Variants in SLMAP observed in about 807,000 individuals in gnomAD.
The protein encoded by SLMAP is sarcolemmal membrane-associated protein.
In SLMAP, 44 loss-of-function variants were observed where a neutral mutation model predicts 128.8. The observed-to-expected ratio is 0.34, with a 90% CI of 0.27 to 0.44. The LOEUF is 0.44. Ranked by LOEUF, SLMAP falls within the 20% of genes least tolerant of loss-of-function variation. The pLI, the probability that SLMAP is intolerant of heterozygous loss-of-function variation, is 1.00. For synonymous variants in SLMAP, 327 were observed against 348.8 expected (o/e 0.94, Z 0.70); for missense variants, 787 against 985.3 (o/e 0.80, Z 2.69).
chr3:57,783,680 G>T (rs113211184), intron 2 of SLMAP, among the ~76,000 whole-genome samples: 3,388 of 152,276 alleles, frequency 0.022, 53 homozygotes, highest in Non-Finnish European at 0.033. Context: ...CCAAGTAACT[G>T]TTTGCTAAGG....
intron 2 of SLMAP, among the ~76,000 whole-genome samples, chr3:57,781,078 TAAA>T: frequency 6.6e-6 from 1 of 151,264 alleles, no homozygotes; most frequent in East Asian, 1.9e-4. Context: ...AAAAATAGAA[TAAA>T]AAAATAAAAA....
intron 6 of SLMAP, among the ~76,000 whole-genome samples, chr3:57,850,459 C>T (rs1315754836): frequency 6.6e-6 from 1 of 152,032 alleles, no homozygotes; most frequent in Non-Finnish European, 1.5e-5. Flanking sequence ...CGCTCTGTCT[C>T]TCAGGCTGAA....
chr3:57,767,360 C>T (rs542764938), intron 2 of SLMAP, among the ~76,000 whole-genome samples: 9 of 152,224 alleles, frequency 5.9e-5, no homozygotes, highest in South Asian at 2.1e-4. Context: ...AACAATGGAG[C>T]GGTTTGTATT....
At chr3:57,836,422 A>G (rs1016563009) in intron 3 of SLMAP, among the ~76,000 whole-genome samples, 1 of 152,236 alleles carries the variant, frequency 6.6e-6, no homozygotes, top group Non-Finnish European at 1.5e-5. Context: ...TTAAAAAGGT[A>G]ACATGAGCCT....
chr3:57,846,437 A>G (rs1193569903), intron 4 of SLMAP, among the ~76,000 whole-genome samples: 3 of 152,176 alleles, frequency 2.0e-5, no homozygotes, highest in African/African-American at 7.2e-5. Context: ...TCTTCACTGG[A>G]ACAAGTTTCC....
chr3:57,793,288 A>G (rs1269623267), intron 2 of SLMAP, among the ~76,000 whole-genome samples: 2 of 152,206 alleles, frequency 1.3e-5, no homozygotes, highest in South Asian at 4.1e-4. Context: ...CTCTAGTTTT[A>G]GATCTCAGAT....
intron 2 of SLMAP, among the ~76,000 whole-genome samples, chr3:57,791,396 A>G (rs1559999633): frequency 6.6e-6 from 1 of 152,088 alleles, no homozygotes; most frequent in Non-Finnish European, 1.5e-5. Context: ...TAGTATATGT[A>G]GTAGCTCTGA....
chr3:57,859,061 T>C, intron 8 of SLMAP, among the ~76,000 whole-genome samples: 1 of 152,188 alleles, frequency 6.6e-6, no homozygotes, highest in Admixed American at 6.5e-5. Context: ...CAGTGGCTCA[T>C]GCCTGTAATC....
chr3:57,821,007 A>G (rs1452153696), intron 2 of SLMAP, among the ~76,000 whole-genome samples: 2 of 152,212 alleles, frequency 1.3e-5, no homozygotes, highest in Non-Finnish European at 2.9e-5. Flanking sequence ...GGTGTCTGAG[A>G]TTCAGAAATC....
At chr3:57,784,686 G>A (rs574238123) in intron 2 of SLMAP, among the ~76,000 whole-genome samples, 1 of 152,298 alleles carries the variant, frequency 6.6e-6, no homozygotes, top group African/African-American at 2.4e-5. Flanking sequence ...ATTTTGCATT[G>A]TGAGAAGGAC....
At chr3:57,921,328 A>C (rs1298651382) in intron 22 of SLMAP, among the ~76,000 whole-genome samples, 2 of 152,062 alleles carry the variant, frequency 1.3e-5, no homozygotes. Flanking sequence ...GCTATTTAAA[A>C]ATTTCTACTA....
chr3:57,836,360 A>C (rs1203819812), intron 3 of SLMAP, among the ~76,000 whole-genome samples: 1 of 152,194 alleles, frequency 6.6e-6, no homozygotes, highest in African/African-American at 2.4e-5. Context: ...AAAATTTCAG[A>C]AAAAGAATAT....
chr3:57,820,863 A>C (rs2092441481), intron 2 of SLMAP, among the ~76,000 whole-genome samples: 1 of 152,072 alleles, frequency 6.6e-6, no homozygotes, highest in African/African-American at 2.4e-5. Flanking sequence ...TCCTGCCCCT[A>C]CTGCCTGGTG....
intron 2 of SLMAP, among the ~76,000 whole-genome samples, chr3:57,819,990 G>A (rs2092353673): frequency 6.6e-6 from 1 of 152,062 alleles, no homozygotes; most frequent in African/African-American, 2.4e-5. Flanking sequence ...GGGCTCAAGC[G>A]ATCCTTCCCC....
intron 2 of SLMAP, among the ~76,000 whole-genome samples, chr3:57,775,103 G>A (rs1377865688): frequency 1.3e-5 from 2 of 151,222 alleles, no homozygotes; most frequent in African/African-American, 2.4e-5. Context: ...CGCCCAGGCC[G>A]GAGTACAGTG....
rs1481407028 is a variant in SLMAP at position 57,925,846 on chromosome 3, C to T, written c.2447C>T (p.Pro816Leu). ...TTTAATATGCCTTCCCTTCTTTAGC[C>T]TTCCATATTACAACCCGTCCCAGCC... ...LKLLREKGNN[P>L]SILQPVPAVF... Residue 816 changes from proline (P) to leucine (L), a missense_variant and splice_region_variant, in exon 24 of 25, where the codon CCT (proline) becomes CTT (leucine). By Grantham distance (98) the Pro-to-Leu change is moderately conservative. Coordinates refer to ENST00000671191, the MANE Select transcript of SLMAP (RefSeq NM_001377540.1). The T allele has an allele frequency of 3.2e-6, 5 of 1,549,636 alleles. No homozygotes were observed. Among genetic ancestry groups the T allele is most frequent in the Non-Finnish European group, 4.4e-6 (5 of 1,145,898 alleles).
intron 19 of SLMAP, among the ~76,000 whole-genome samples, chr3:57,910,748 G>T (rs1300304978): frequency 6.6e-6 from 1 of 152,084 alleles, no homozygotes; most frequent in Non-Finnish European, 1.5e-5. Flanking sequence ...AAATTAATTT[G>T]CCTTCTTGTC....
chr3:57,929,750 T>C lies in SLMAP; in HGVS notation c.*2461T>C, dbSNP rs1287537065. ...TCTGTATTGGCATCTTGGTTCTACC[T>C]TTTATCAGATGTTGTTGCCTTGTGC... On this transcript the variant is annotated 3_prime_UTR_variant, in exon 25 of 25. Transcript: ENST00000671191. 6.6e-6 allele frequency among the ~76,000 whole-genome samples: 1 copy of C among 152,252 alleles called. No individual in the cohort carries two copies. The highest frequency in any genetic ancestry group is 2.4e-5 in the African/African-American group (1 of 41,466).
At chr3:57,833,534 C>T (rs961420675) in intron 3 of SLMAP, among the ~76,000 whole-genome samples, 1 of 151,976 alleles carries the variant, frequency 6.6e-6, no homozygotes, top group Admixed American at 6.6e-5. Context: ...ATTCTCCTGC[C>T]TCAGCCTCTC....
Sources: gnomAD v4.1 joint callset for allele counts (sites outside exome capture counted in the v4.1 genomes callset) on GRCh38, gnomAD v4.1.1 for gene constraint, MANE v1.5 for transcripts, NCBI Gene and HGNC (gene_info 2026-07-23, HGNC 2026-07-21) for gene names.